AGXT2: variants seen among roughly 807,000 people sequenced by gnomAD.
The protein encoded by AGXT2 is alanine--glyoxylate aminotransferase 2, also known as alanine--glyoxylate aminotransferase 2, mitochondrial.
Under a neutral mutation model 62.5 loss-of-function variants are expected in AGXT2, and 61 were observed. The ratio of observed to expected loss-of-function variants is 0.98; its 90% CI spans 0.79 to 1.21. The LOEUF is 1.21. Among genes scored for constraint, AGXT2 ranks in the 50% most tolerant of loss-of-function variants. AGXT2 has a pLI of 0.00. For synonymous variants in AGXT2, 243 were observed against 218.7 expected (o/e 1.11, Z -0.98); for missense variants, 666 against 641.5 (o/e 1.04, Z -0.41).
At chr5:35,016,817 A>G (rs930618922) in intron 9 of AGXT2, among the ~76,000 whole-genome samples, 4 of 152,332 alleles carry the variant, frequency 2.6e-5, no homozygotes, top group Non-Finnish European at 5.9e-5. Context: ...TCAGTTTCAT[A>G]GACTCTTACA....
chr5:35,021,490 T>C (rs1471505948), intron 9 of AGXT2, among the ~76,000 whole-genome samples: 3 of 150,356 alleles, frequency 2.0e-5, no homozygotes, highest in Non-Finnish European at 1.5e-5. Flanking sequence ...CCCTATTTAA[T>C]AAATGGTGCT....
intron 12 of AGXT2, among the ~76,000 whole-genome samples, chr5:35,007,430 C>T (rs13163727): frequency 0.29 from 44,454 of 152,196 alleles, 7,177 homozygotes; most frequent in Non-Finnish European, 0.37. Flanking sequence ...AAGGGTGGAT[C>T]TCCTGGATAG....
Position 35,046,632 on chromosome 5 carries a change from A to G in AGXT2, c.88+1173T>C, listed in dbSNP as rs138278427. ...GGTTGAAGATAAAAGGAGATAATGC[A>G]TTTAAAGCATCATGCATGTGTCAAG... On this transcript the variant is annotated intron_variant, in intron 1 of 13. Coordinates refer to ENST00000231420, the MANE Select transcript of AGXT2 (RefSeq NM_031900.4). Among the ~76,000 whole-genome samples the G allele has an allele frequency of 1.8e-4, 28 of 152,342 alleles. 1 individual carries two copies. Among genetic ancestry groups the G allele is most frequent in the African/African-American group, 6.0e-4 (25 of 41,586 alleles).
At chr5:35,022,436 A>G (rs1767143833) in intron 9 of AGXT2, among the ~76,000 whole-genome samples, 1 of 152,072 alleles carries the variant, frequency 6.6e-6, no homozygotes, top group Non-Finnish European at 1.5e-5. Flanking sequence ...ACATGGATGA[A>G]ATTGGAAATA....
chr5:35,012,465 CT>C (rs1409751894), intron 11 of AGXT2: 1 of 155,290 alleles, frequency 6.4e-6, no homozygotes, highest in Non-Finnish European at 1.4e-5. Flanking sequence ...TAAAAAAAAT[CT>C]TTTTTTAAAC....
Position 35,010,044 on chromosome 5 carries a change from G to C in AGXT2, c.1294C>G (p.Arg432Gly), listed in dbSNP as rs866461623. The C allele has an allele frequency of 6.2e-7, 1 of 1,614,116 alleles. No homozygotes were observed. Among genetic ancestry groups the C allele is most frequent in the Non-Finnish European group, 8.5e-7 (1 of 1,180,022 alleles). The change falls in exon 12 of 14, where the codon CGA becomes GGA. Residue 432 changes from arginine (R) to glycine (G), a missense_variant. Coordinates refer to ENST00000231420, the MANE Select transcript of AGXT2 (RefSeq NM_031900.4). ...RDEFEIVGDV[R>G]GKGLMIGIEM... ...ATGCCTATCATGAGACCTTTGCCTC[G>C]GACGTCTCCAACAATTTCAAATTCA...
intron 13 of AGXT2, among the ~76,000 whole-genome samples, chr5:35,000,220 T>C (rs1045755358): frequency 7.0e-6 from 1 of 141,990 alleles, no homozygotes; most frequent in African/African-American, 2.6e-5. Context: ...TCTCTGGCCT[T>C]CTCTGCACTT....
chr5:35,035,015 T>C (rs1320633856), intron 5 of AGXT2, among the ~76,000 whole-genome samples: 3 of 152,160 alleles, frequency 2.0e-5, no homozygotes, highest in South Asian at 2.1e-4. Context: ...TCGTGACCAG[T>C]TGGGGCCCCC....
chr5:35,007,162 T>C (rs543477758), intron 12 of AGXT2, among the ~76,000 whole-genome samples: 5 of 152,264 alleles, frequency 3.3e-5, no homozygotes, highest in African/African-American at 1.2e-4. Flanking sequence ...AGAAAGCTCT[T>C]TTGCCTCATT....
intron 1 of AGXT2, among the ~76,000 whole-genome samples, chr5:35,042,720 A>T (rs1449235337): frequency 6.7e-6 from 1 of 148,400 alleles, no homozygotes; most frequent in African/African-American, 2.5e-5. Context: ...GTATGTGTAT[A>T]TATGCATATG....
chr5:35,029,277 C>T (rs376796019), intron 7 of AGXT2, among the ~76,000 whole-genome samples: 2 of 152,136 alleles, frequency 1.3e-5, no homozygotes, highest in African/African-American at 4.8e-5. Context: ...ATGGATCAGA[C>T]CTATGTTCAA....
chr5:35,003,832 T>A lies in AGXT2; in HGVS notation c.1368A>T (p.Glu456Asp). ...KISCRPLPRE[E>D]VNQIHEDCKH... ...TGCAGTCCTCATGGATCTGATTTAC[T>A]TCTTCACGGGGAAGAGGCCGACAGC... The change falls in exon 13 of 14, where the codon GAA (glutamate) becomes GAT (aspartate). Residue 456 changes from glutamate to aspartate, a missense_variant. Transcript: ENST00000231420. 6.2e-7 allele frequency: 1 copy of A among 1,614,224 alleles called. No homozygotes were observed.
intron 2 of AGXT2, among the ~76,000 whole-genome samples, chr5:35,040,049 G>GTGCATGCATGCACA: frequency 6.6e-6 from 1 of 152,030 alleles, no homozygotes; most frequent in Middle Eastern, 3.4e-3. Context: ...GTGCATGCAC[G>GTGCATGCATGCACA]TGTGCATGCA....
intron 7 of AGXT2, among the ~76,000 whole-genome samples, chr5:35,032,505 A>G (rs1476652761): frequency 6.6e-6 from 1 of 152,200 alleles, no homozygotes; most frequent in Non-Finnish European, 1.5e-5. Flanking sequence ...TGATAGCGTG[A>G]GATGCTTTTC....
chr5:35,014,378 G>A (rs537776739), intron 9 of AGXT2, among the ~76,000 whole-genome samples: 18 of 150,196 alleles, frequency 1.2e-4, no homozygotes, highest in South Asian at 2.1e-4. Context: ...GCTTGAACTC[G>A]GAGGGCAGAG....
At chr5:35,025,919 AAGTT>A (rs1320980426) in intron 8 of AGXT2, 64 bp from the exon 9 acceptor site, 5 of 1,391,500 alleles carry the variant, frequency 3.6e-6, no homozygotes, top group Non-Finnish European at 5.1e-6. Flanking sequence ...GTATATAAAA[AAGTT>A]AGATCATCAT....
At chr5:35,019,945 C>T (rs1438290845) in intron 9 of AGXT2, among the ~76,000 whole-genome samples, 1 of 152,246 alleles carries the variant, frequency 6.6e-6, no homozygotes, top group Non-Finnish European at 1.5e-5. Flanking sequence ...CTACAACCAC[C>T]TCTATGCAAA....
At chr5:35,046,514 C>T (rs1438580507) in intron 1 of AGXT2, among the ~76,000 whole-genome samples, 1 of 152,190 alleles carries the variant, frequency 6.6e-6, no homozygotes, top group East Asian at 1.9e-4. Flanking sequence ...TTATCACATA[C>T]ATGTTTCTGC....
rs527934369 is a variant in AGXT2, at chr5:35,031,995, C to T, written c.769+737G>A. 1.1e-3 allele frequency among the ~76,000 whole-genome samples: 156 copies of T among 143,504 alleles called. 2 individuals are homozygous for T. In the South Asian group the frequency reaches 0.012, roughly 11 times the overall value. The allele number at this position is 143,504 out of a possible 152,430, so 94.1% of individuals were successfully genotyped here. A position where few individuals can be genotyped will look rare whatever the true frequency, so the allele number is the denominator to read the frequency against. Reference sequence around the variant, plus strand: ...TGAGATGGAGTCTTGTTCTGTTGCCCAGGTTGGAGTGCAGTGGCGTTATCT... The same window carrying T: ...TGAGATGGAGTCTTGTTCTGTTGCCTAGGTTGGAGTGCAGTGGCGTTATCT... On this transcript the variant is annotated intron_variant, in intron 7 of 13. Transcript: ENST00000231420.
Sources: allele counts gnomAD v4.1 joint callset (sites outside exome capture counted in the v4.1 genomes callset), GRCh38; gene constraint gnomAD v4.1.1; transcripts MANE v1.5; gene names NCBI Gene and HGNC (gene_info 2026-07-23, HGNC 2026-07-21).